SLTM: variants seen among roughly 807,000 people sequenced by gnomAD.
The protein encoded by SLTM is SAFB-like transcription modulator.
In SLTM, 43 loss-of-function variants were observed where a neutral mutation model predicts 134.6. The ratio of observed to expected loss-of-function variants is 0.32; its 90% CI spans 0.25 to 0.41. SLTM has a LOEUF of 0.41. SLTM is among the 10% of genes least tolerant of loss of function. SLTM has a pLI of 1.00. For missense variants in SLTM, 1,055 were observed against 1,288.8 expected (o/e 0.82, Z 2.78); for synonymous variants, 424 against 432.3 (o/e 0.98, Z 0.24).
At position 58,887,214 on chromosome 15, in the gene SLTM, GTACACAGC is replaced by G. The variant is rs774644745; in HGVS notation, c.2690+4_2690+11del. 2 of 1,613,200 alleles carry G rather than the reference GTACACAGC, an allele frequency of 1.2e-6. No individual in the cohort carries two copies. Among genetic ancestry groups the G allele is most frequent in the South Asian group, 2.2e-5 (2 of 91,034 alleles). On this transcript the variant is annotated splice_donor_5th_base_variant and intron_variant, in intron 18 of 20. Coordinates refer to ENST00000380516, the MANE Select transcript of SLTM (RefSeq NM_024755.4). Reference sequence around the variant, plus strand: ...GAGACCACTAGGAAAGCATTACATAGTACACAGCTACCTTGTTTCCCGTTTGTCAGTGG... The same window carrying G: ...GAGACCACTAGGAAAGCATTACATAGTACCTTGTTTCCCGTTTGTCAGTGG...
chr15:58,913,758 C>A (rs760004992), intron 3 of SLTM, 62 bp from the exon 4 acceptor site: 1 of 1,335,678 alleles, frequency 7.5e-7, no homozygotes. Context: ...ATCCACCAAA[C>A]GTTTTTGGTA....
chr15:58,884,141 G>T (rs1292220330), intron 19 of SLTM, among the ~76,000 whole-genome samples: 1 of 151,842 alleles, frequency 6.6e-6, no homozygotes, highest in Admixed American at 6.6e-5. Context: ...CTCAGTCTTG[G>T]TCTCATACCA....
intron 5 of SLTM, among the ~76,000 whole-genome samples, chr15:58,906,797 G>C (rs1179645223): frequency 6.6e-6 from 1 of 152,176 alleles, no homozygotes; most frequent in Non-Finnish European, 1.5e-5. Context: ...TGTAGTGTAA[G>C]ACTGCTGTTT....
chr15:58,886,206 G>A (rs2034169690), intron 19 of SLTM, among the ~76,000 whole-genome samples: 1 of 148,476 alleles, frequency 6.7e-6, no homozygotes, highest in Non-Finnish European at 1.5e-5. Flanking sequence ...AATGAAGCAG[G>A]AGAAAAAGAA....
In SLTM at chr15:58,890,034, G is replaced by A. The variant is rs895128179; in HGVS notation, c.2079+247C>T. The A allele has an allele frequency of 9.5e-6, 5 of 528,172 alleles. No individual in the cohort carries two copies. In the Admixed American group the frequency reaches 9.9e-5, roughly 10 times the overall value. 32.7% of individuals were successfully genotyped at this position (528,172 alleles called of 1,614,324 possible). A position where few individuals can be genotyped will look rare whatever the true frequency, so the allele number is the denominator to read the frequency against. ...AACTACTCTGGACTCATAGTCCTATGCTCAGACTATTAGGCTGCCATGATA... is the reference window on the plus strand; with the variant it reads ...AACTACTCTGGACTCATAGTCCTATACTCAGACTATTAGGCTGCCATGATA... On this transcript the variant is annotated intron_variant, in intron 15 of 20. Coordinates refer to ENST00000380516, the MANE Select transcript of SLTM (RefSeq NM_024755.4).
intron 2 of SLTM, among the ~76,000 whole-genome samples, chr15:58,924,387 C>G (rs1420268672): frequency 3.3e-5 from 5 of 151,980 alleles, no homozygotes; most frequent in Non-Finnish European, 7.4e-5. Flanking sequence ...TTGTATAAGC[C>G]CAAAAATTCT....
chr15:58,889,924 A>G (rs1248519917), intron 15 of SLTM: 4 of 351,702 alleles, frequency 1.1e-5, no homozygotes, highest in African/African-American at 8.3e-5. Context: ...ATTTCCTTCC[A>G]GCCTTGGGAA....
intron 2 of SLTM, among the ~76,000 whole-genome samples, chr15:58,921,967 G>A (rs1399781000): frequency 6.6e-6 from 1 of 151,934 alleles, no homozygotes; most frequent in Non-Finnish European, 1.5e-5. Flanking sequence ...TAGAGACAGG[G>A]TTTCAGCATG....
intron 19 of SLTM, among the ~76,000 whole-genome samples, chr15:58,886,762 C>G (rs1486868055): frequency 6.6e-6 from 1 of 152,102 alleles, no homozygotes; most frequent in Non-Finnish European, 1.5e-5. Context: ...AAGGCTAGTA[C>G]CTTAACTCTT....
intron 5 of SLTM, among the ~76,000 whole-genome samples, chr15:58,902,553 T>A (rs2035560004): frequency 6.9e-6 from 1 of 145,744 alleles, no homozygotes; most frequent in Non-Finnish European, 1.5e-5. Context: ...GTCCAGCGAA[T>A]TTTTTTTTTT....
intron 2 of SLTM, among the ~76,000 whole-genome samples, chr15:58,930,227 C>T (rs2037770937): frequency 6.6e-6 from 1 of 151,918 alleles, no homozygotes; most frequent in South Asian, 2.1e-4. Context: ...GTCTCAGCCT[C>T]CCCAGCCTCC....
intron 2 of SLTM, among the ~76,000 whole-genome samples, chr15:58,927,946 A>G (rs563897009): frequency 6.6e-6 from 1 of 152,254 alleles, no homozygotes; most frequent in Non-Finnish European, 1.5e-5. Context: ...AGCTTTACAG[A>G]GTAAACATGT....
intron 5 of SLTM, among the ~76,000 whole-genome samples, chr15:58,904,639 C>A (rs765166325): frequency 6.6e-6 from 1 of 151,576 alleles, no homozygotes; most frequent in Non-Finnish European, 1.5e-5. Flanking sequence ...CTCTGCCTCC[C>A]GGGTTCCAGG....
At chr15:58,911,233 T>C (rs1217124903) in intron 5 of SLTM, among the ~76,000 whole-genome samples, 4 of 152,302 alleles carry the variant, frequency 2.6e-5, no homozygotes, top group African/African-American at 9.6e-5. Context: ...TCAGAAGCAT[T>C]TGTGGCTCAC....
intron 5 of SLTM, among the ~76,000 whole-genome samples, chr15:58,902,141 A>G (rs2035526394): frequency 6.6e-6 from 1 of 152,224 alleles, no homozygotes; most frequent in South Asian, 2.1e-4. Flanking sequence ...ACATCACTGA[A>G]GTAATCAAAC....
chr15:58,884,881 C>T (rs948480662), intron 19 of SLTM, among the ~76,000 whole-genome samples: 4 of 152,154 alleles, frequency 2.6e-5, no homozygotes, highest in African/African-American at 9.7e-5. Flanking sequence ...GTAATCCTCC[C>T]GCCTTGGCCT....
Position 58,886,973 on chromosome 15 carries a change from A to G in SLTM, c.2835+2T>C, listed in dbSNP as rs762851540. On this transcript the variant is annotated splice_donor_variant, in intron 19 of 20. Transcript: ENST00000380516. LOFTEE classifies it high-confidence loss of function. The stretch of plus-strand genomic sequence containing the variant: ...TCGCGGCAAGCCTCCCGCAGCACTT[A>G]CCTGTGATCCACCTCCTCGGTCTGT... 2 of 1,612,192 alleles carry G rather than the reference A, an allele frequency of 1.2e-6. No homozygotes were observed. Among genetic ancestry groups the G allele is most frequent in the Admixed American group, 3.3e-5 (2 of 59,988 alleles).
intron 12 of SLTM, 50 bp from the exon 13 acceptor site, chr15:58,893,414 A>T (rs761413310): frequency 3.1e-6 from 4 of 1,299,114 alleles, no homozygotes; most frequent in Non-Finnish European, 4.3e-6. Context: ...TTCATTGAGA[A>T]AGAAAATATG....
At chr15:58,884,190 A>G (rs1308594575) in intron 19 of SLTM, among the ~76,000 whole-genome samples, 1 of 152,196 alleles carries the variant, frequency 6.6e-6, no homozygotes, top group Non-Finnish European at 1.5e-5. Flanking sequence ...AAGCAAATTA[A>G]TAAGATGTCT....
Sources: gnomAD v4.1 joint callset for allele counts (sites outside exome capture counted in the v4.1 genomes callset) on GRCh38, gnomAD v4.1.1 for gene constraint, MANE v1.5 for transcripts, NCBI Gene and HGNC (gene_info 2026-07-23, HGNC 2026-07-21) for gene names.